The following NRXN1 variants were observed in gnomAD, a reference collection of about 807,000 sequenced individuals.
NRXN1 encodes neurexin-1.
In NRXN1, 39 loss-of-function variants were observed where a neutral mutation model predicts 150.9. That is an observed-to-expected ratio of 0.26 (90% confidence interval 0.20 to 0.34). The LOEUF is 0.34. Ranked by LOEUF, NRXN1 falls within the 10% of genes least tolerant of loss-of-function variation. The pLI, the probability that NRXN1 is intolerant of heterozygous loss-of-function variation, is 1.00. For missense variants in NRXN1, 1,815 were observed against 1,949.9 expected, an observed-to-expected ratio of 0.93 and a Z score of 1.30; for synonymous variants, 924 against 757.0, an observed-to-expected ratio of 1.22 and a Z score of -3.62.
chr2:50,895,603 G>A (rs1261355872), intron 5 of NRXN1, among the ~76,000 whole-genome samples: 2 of 146,658 alleles, frequency 1.4e-5, no homozygotes, highest in African/African-American at 5.0e-5. Flanking sequence ...TTTTTGAGAT[G>A]GAACTTTGCT....
rs2078165541 is a variant in NRXN1, at chr2:50,347,970, T to C, written c.3365-111000A>G. 6.6e-6 allele frequency among the ~76,000 whole-genome samples: 1 copy of C among 152,042 alleles called. No homozygotes were observed. Among genetic ancestry groups the C allele is most frequent in the African/African-American group, 2.4e-5 (1 of 41,400 alleles). On this transcript the variant is annotated intron_variant, in intron 17 of 22. Transcript: ENST00000401669. This position sits in a 1 kb window ranked among gnomAD's most constrained non-coding sequence, Gnocchi z 4.9. The stretch of plus-strand genomic sequence containing the variant: ...ACGTGTAAGGCGAAACGGGAACACC[T>C]AAAAAGCAACTCTCCCTCCACCAGG...
intron 17 of NRXN1, among the ~76,000 whole-genome samples, chr2:50,391,973 T>C (rs1044473415): frequency 1.3e-5 from 2 of 152,204 alleles, no homozygotes; most frequent in African/African-American, 4.8e-5. Flanking sequence ...TGTAAACATC[T>C]CTGCAGATTA....
Position 50,472,321 on chromosome 2 carries a change from C to G in NRXN1, c.3221G>C (p.Gly1074Ala). 2 of 1,609,850 alleles carry G rather than the reference C, an allele frequency of 1.2e-6. No individual in the cohort carries two copies. The highest frequency in any genetic ancestry group is 1.7e-6 in the Non-Finnish European group (2 of 1,177,720). Residue 1074 changes from glycine (G) to alanine (A), a missense_variant, in exon 16 of 23, where the codon GGA becomes GCA. Gly to Ala is a moderately conservative substitution (Grantham distance 60). Coordinates refer to ENST00000401669, the MANE Select transcript of NRXN1 (RefSeq NM_001330078.2). ...DLISDALFCNGQIERGCEGPS... is the reference protein window; with the variant it reads ...DLISDALFCNAQIERGCEGPS... ...ACCTTCACATCCTCTCTCGATCTGT[C>G]CGTTGCAGAAAAGAGCATCGGAGAT...
At chr2:50,137,637 G>C (rs1437234913) in intron 18 of NRXN1, among the ~76,000 whole-genome samples, 1 of 152,052 alleles carries the variant, frequency 6.6e-6, no homozygotes, top group African/African-American at 2.4e-5. Context: ...CAAGAATATA[G>C]CTCTCAATTA....
At chr2:50,896,368 C>T (rs141228902) in intron 5 of NRXN1, among the ~76,000 whole-genome samples, 272 of 152,244 alleles carry the variant, frequency 1.8e-3, no homozygotes, top group Non-Finnish European at 2.9e-3. Flanking sequence ...ACAGCACTGA[C>T]AAAGATTCCT....
chr2:50,806,215 G>A (rs17569056), intron 5 of NRXN1, among the ~76,000 whole-genome samples: 29,986 of 151,974 alleles, frequency 0.2, 3,032 homozygotes, highest in African/African-American at 0.2. Context: ...AAGTAAAGAT[G>A]GTCAATCTAT....
intron 5 of NRXN1, among the ~76,000 whole-genome samples, chr2:50,722,085 C>T (rs537756901): frequency 1.4e-4 from 21 of 152,184 alleles, no homozygotes; most frequent in African/African-American, 3.6e-4. Context: ...AAGGGATATA[C>T]GTCCAATGAA....
chr2:50,083,721 G>C (rs1043657529), intron 19 of NRXN1, among the ~76,000 whole-genome samples: 1 of 152,132 alleles, frequency 6.6e-6, no homozygotes, highest in African/African-American at 2.4e-5. Context: ...GAGCTGACTG[G>C]TCCGTTTTGA....
chr2:50,207,058 G>C (rs1249988158), intron 18 of NRXN1, among the ~76,000 whole-genome samples: 2 of 151,890 alleles, frequency 1.3e-5, no homozygotes, highest in Non-Finnish European at 2.9e-5. Context: ...AAAATACATA[G>C]AAGAAATTCA....
intron 2 of NRXN1, among the ~76,000 whole-genome samples, chr2:50,929,421 A>G (rs771297565): frequency 6.6e-6 from 1 of 152,068 alleles, no homozygotes; most frequent in Non-Finnish European, 1.5e-5. Context: ...AACTTACATT[A>G]AAAAATGACC....
At chr2:49,933,368 G>T (rs1239298530) in intron 22 of NRXN1, among the ~76,000 whole-genome samples, 1 of 152,112 alleles carries the variant, frequency 6.6e-6, no homozygotes, top group Admixed American at 6.5e-5. Flanking sequence ...TTACAGGTGT[G>T]AGCCACTGCA....
At chr2:50,046,136 G>A (rs1007819930) in intron 21 of NRXN1, among the ~76,000 whole-genome samples, 1 of 152,192 alleles carries the variant, frequency 6.6e-6, no homozygotes, top group African/African-American at 2.4e-5. Context: ...TTTGAAGTTG[G>A]TGAGGAAGTA....
At chr2:50,558,755 T>G (rs11125318) in intron 8 of NRXN1, among the ~76,000 whole-genome samples, 58,278 of 152,080 alleles carry the variant, frequency 0.38, 12,165 homozygotes, top group East Asian at 0.59. Context: ...GTTAATGCTT[T>G]TACTCTATTA....
intron 2 of NRXN1, among the ~76,000 whole-genome samples, chr2:51,010,234 C>A (rs1316126727): frequency 6.6e-6 from 1 of 151,942 alleles, no homozygotes; most frequent in Non-Finnish European, 1.5e-5. Flanking sequence ...AAATATTTAT[C>A]CTTCAACAAT....
intron 12 of NRXN1, among the ~76,000 whole-genome samples, chr2:50,508,781 C>G (rs1172430559): frequency 6.6e-6 from 1 of 152,040 alleles, no homozygotes; most frequent in East Asian, 1.9e-4. Flanking sequence ...AAAAATAACC[C>G]TTTGGTTCAT....
At chr2:50,261,059 C>A (rs889170557) in intron 17 of NRXN1, among the ~76,000 whole-genome samples, 1 of 151,794 alleles carries the variant, frequency 6.6e-6, no homozygotes, top group Admixed American at 6.6e-5. Context: ...TCCAACATTT[C>A]CCCCCAGATT....
In NRXN1 at chr2:50,236,335, G is replaced by A. The variant is rs184295690; in HGVS notation, c.3546+454C>T. 4.1e-3 allele frequency among the ~76,000 whole-genome samples: 619 copies of A among 151,952 alleles called. 1 individual carries two copies. The highest frequency in any genetic ancestry group is 9.8e-3 in the African/African-American group (405 of 41,484). On this transcript the variant is annotated intron_variant, in intron 18 of 22. Coordinates refer to ENST00000401669, the MANE Select transcript of NRXN1 (RefSeq NM_001330078.2). The stretch of plus-strand genomic sequence containing the variant: ...CCAAGTATCCTTAAAGTATACTTTC[G>A]TTCCTTTTATTTCATGTAGCTTCAG...
intron 5 of NRXN1, among the ~76,000 whole-genome samples, chr2:50,820,130 T>A (rs756446733): frequency 5.3e-5 from 8 of 150,174 alleles, no homozygotes; most frequent in Non-Finnish European, 1.0e-4. Context: ...GATGGGGATA[T>A]GAAAAAAAAC....
At chr2:50,966,585 A>C (rs989042274) in intron 2 of NRXN1, among the ~76,000 whole-genome samples, 1 of 151,768 alleles carries the variant, frequency 6.6e-6, no homozygotes, top group African/African-American at 2.4e-5. Flanking sequence ...ACTACCTATT[A>C]TATTACTTCT....
Sources: allele counts gnomAD v4.1 joint callset (sites outside exome capture counted in the v4.1 genomes callset), GRCh38; gene constraint gnomAD v4.1.1; non-coding constraint Gnocchi (gnomAD v3.1); transcripts MANE v1.5; gene names NCBI Gene and HGNC (gene_info 2026-07-23, HGNC 2026-07-21).